Variants in SV2C observed in about 807,000 individuals in gnomAD.
SV2C encodes synaptic vesicle glycoprotein 2C, also known as solute carrier family 22 member B3.
SV2C carries 49 observed loss-of-function variants against 79.7 expected under a neutral mutation model. The observed-to-expected ratio is 0.61, with a 90% CI of 0.49 to 0.78. The LOEUF (loss-of-function observed/expected upper bound fraction) is 0.78. SV2C is among the 30% of genes least tolerant of loss of function. SV2C has a pLI of 0.00. For synonymous variants in SV2C, 334 were observed against 333.2 expected (o/e 1.00, Z -0.03); for missense variants, 833 against 912.9 (o/e 0.91, Z 1.13).
At chr5:76,177,751 G>C (rs182249820) in intron 2 of SV2C, among the ~76,000 whole-genome samples, 234 of 152,106 alleles carry the variant, frequency 1.5e-3, no homozygotes, top group Non-Finnish European at 1.9e-3. Flanking sequence ...CTTGGACAAG[G>C]CTTGGCTAGG....
chr5:76,156,756 G>A (rs532176909), intron 2 of SV2C, among the ~76,000 whole-genome samples: 2 of 152,186 alleles, frequency 1.3e-5, no homozygotes, highest in East Asian at 1.9e-4. Context: ...TTTTGGAATT[G>A]TAAAGTATAA....
At position 76,291,762 on chromosome 5, in the gene SV2C, T is replaced by G. The variant is rs1055014777; in HGVS notation, c.1249-6T>G. 1.9e-6 allele frequency: 3 copies of G among 1,601,494 alleles called. No homozygotes were observed. The highest frequency in any genetic ancestry group is 1.7e-5 in the Admixed American group (1 of 59,480). Reference sequence around the variant, plus strand: ...ATGAGAAAACTAACTCTCTAATATTTCACAGATTTGGTTGACTTTTATGAG... The same window carrying G: ...ATGAGAAAACTAACTCTCTAATATTGCACAGATTTGGTTGACTTTTATGAG... On this transcript the variant is annotated splice_polypyrimidine_tract_variant and splice_region_variant and intron_variant, in intron 7 of 12. Coordinates refer to ENST00000502798, the MANE Select transcript of SV2C (RefSeq NM_014979.4).
chr5:75,967,891 C>A, the SV2C span, among the ~76,000 whole-genome samples: 14 of 152,328 alleles, frequency 9.2e-5, no homozygotes, highest in Non-Finnish European at 1.9e-4. Flanking sequence ...GGTCCCTGAC[C>A]CCCAAGTAGC....
the SV2C span, among the ~76,000 whole-genome samples, chr5:75,901,046 C>A: frequency 6.6e-6 from 1 of 152,154 alleles, no homozygotes; most frequent in South Asian, 2.1e-4. Flanking sequence ...TCCTGTAGCT[C>A]GGAGTAGTTT....
the SV2C span, among the ~76,000 whole-genome samples, chr5:75,968,786 C>T: frequency 6.6e-6 from 1 of 152,188 alleles, no homozygotes; most frequent in Admixed American, 6.5e-5. Flanking sequence ...CCCAACCTAT[C>T]AAAGTAGGCC....
chr5:76,030,133 GTAAC>G, the SV2C span, among the ~76,000 whole-genome samples: 1 of 151,850 alleles, frequency 6.6e-6, no homozygotes, highest in African/African-American at 2.4e-5. Context: ...TAAATTCTGA[GTAAC>G]TAACAAAGGC....
chr5:75,946,229 C>A, the SV2C span, among the ~76,000 whole-genome samples: 1 of 152,032 alleles, frequency 6.6e-6, no homozygotes, highest in South Asian at 2.1e-4. Flanking sequence ...ACAGAACCTA[C>A]AGATATTAGC....
the SV2C span, among the ~76,000 whole-genome samples, chr5:75,885,924 G>A: frequency 6.6e-6 from 1 of 152,116 alleles, no homozygotes; most frequent in Non-Finnish European, 1.5e-5. Context: ...GTTGCTGCAA[G>A]ACAAGAAGCT....
At chr5:76,295,336 C>T (rs914229223) in intron 8 of SV2C, among the ~76,000 whole-genome samples, 2 of 152,088 alleles carry the variant, frequency 1.3e-5, no homozygotes, top group African/African-American at 4.8e-5. Context: ...AGCACCCTCG[C>T]ACCTCTTTTT....
intron 3 of SV2C, among the ~76,000 whole-genome samples, chr5:76,207,166 A>C (rs1000239666): frequency 1.9e-5 from 1 of 53,826 alleles, no homozygotes; most frequent in Non-Finnish European, 3.3e-5. Context: ...GCCACACTGC[A>C]AAAAAAAAAA....
intron 12 of SV2C, among the ~76,000 whole-genome samples, chr5:76,310,322 A>G (rs1748388110): frequency 6.6e-6 from 1 of 152,260 alleles, no homozygotes; most frequent in African/African-American, 2.4e-5. Flanking sequence ...GTCTAGGGGG[A>G]TGTGACTGTA....
chr5:76,208,762 A>G (rs1744683670), intron 3 of SV2C, among the ~76,000 whole-genome samples: 1 of 152,228 alleles, frequency 6.6e-6, no homozygotes, highest in South Asian at 2.1e-4. Flanking sequence ...TGTCATCTCG[A>G]CAATGTACTT....
At chr5:76,320,534 CT>C (rs763637797) in intron 12 of SV2C, among the ~76,000 whole-genome samples, 4 of 152,160 alleles carry the variant, frequency 2.6e-5, no homozygotes, top group Non-Finnish European at 5.9e-5. Flanking sequence ...GAGAACTCTA[CT>C]TTTTGTTCAC....
chr5:75,973,284 C>T, the SV2C span, among the ~76,000 whole-genome samples: 1 of 151,640 alleles, frequency 6.6e-6, no homozygotes, highest in Non-Finnish European at 1.5e-5. Flanking sequence ...ATGTAACAAA[C>T]CTGCATGTTG....
At chr5:75,924,447 C>T in the SV2C span, among the ~76,000 whole-genome samples, 1 of 152,090 alleles carries the variant, frequency 6.6e-6, no homozygotes, top group South Asian at 2.1e-4. Context: ...TTAGTCAAAC[C>T]TTTTGTCTTA....
At chr5:76,140,467 A>G (rs1281085575) in intron 2 of SV2C, among the ~76,000 whole-genome samples, 1 of 152,144 alleles carries the variant, frequency 6.6e-6, no homozygotes, top group Admixed American at 6.5e-5. Context: ...TGCTTTATTG[A>G]GAGATAGCTG....
intron 12 of SV2C, among the ~76,000 whole-genome samples, chr5:76,352,393 G>A (rs1358854721): frequency 6.6e-6 from 1 of 152,178 alleles, no homozygotes; most frequent in African/African-American, 2.4e-5. Context: ...TTGAGAGGTG[G>A]GACCTTTAAG....
chr5:75,917,770 A>T, the SV2C span, among the ~76,000 whole-genome samples: 1 of 152,180 alleles, frequency 6.6e-6, no homozygotes, highest in Non-Finnish European at 1.5e-5. Flanking sequence ...CAATAGGGTG[A>T]CTATAGTCAA....
chr5:76,288,083 C>CAAAAAA (rs36124813), intron 6 of SV2C, among the ~76,000 whole-genome samples: 1 of 82,584 alleles, frequency 1.2e-5, no homozygotes. Flanking sequence ...GACTCCATCT[C>CAAAAAA]AAAAAAAAAA....
Sources: allele counts gnomAD v4.1 joint callset (sites outside exome capture counted in the v4.1 genomes callset), GRCh38; gene constraint gnomAD v4.1.1; transcripts MANE v1.5; gene names NCBI Gene and HGNC (gene_info 2026-07-23, HGNC 2026-07-21).